The following GRID2 variants were observed in gnomAD, a reference collection of about 807,000 sequenced individuals.
GRID2 encodes the protein glutamate receptor ionotropic, delta-2.
In GRID2, 33 loss-of-function variants were observed where a neutral mutation model predicts 114.8. That is an observed-to-expected ratio of 0.29 (90% CI 0.22 to 0.38). The LOEUF is 0.38. Ranked by LOEUF, GRID2 falls within the 10% of genes least tolerant of loss-of-function variation. The pLI is 1.00. For synonymous variants in GRID2, 505 were observed against 449.9 expected (o/e 1.12, Z -1.55); for missense variants, 1,184 against 1,257.7 (o/e 0.94, Z 0.89).
intron 2 of GRID2, among the ~76,000 whole-genome samples, chr4:92,832,862 G>A (rs940168919): frequency 1.3e-5 from 2 of 152,268 alleles, no homozygotes; most frequent in East Asian, 1.9e-4. Flanking sequence ...ATGCATCCAA[G>A]TGGATATAGT....
At position 93,626,435 on chromosome 4, in the gene GRID2, G is replaced by C. The variant is rs2149690485; in HGVS notation, c.2360G>C (p.Arg787Thr). ...CCTTACCGAGATGTTTTTTCACAAA[G>C]GTAAGATTTGTGTATGACCAAATAA... ...GSPYRDVFSQ[R>T]ILELQQNGDM... is the part of the protein sequence containing the mutation. Residue 787 changes from arginine to threonine, a missense_variant and splice_region_variant, in exon 14 of 16, where the codon AGG (arginine) becomes ACG (threonine). Transcript: ENST00000282020. The C allele has an allele frequency of 6.3e-7, 1 of 1,594,950 alleles. No homozygotes were observed. Among genetic ancestry groups the C allele is most frequent in the Non-Finnish European group, 8.6e-7 (1 of 1,166,970 alleles).
At chr4:92,318,040 C>A (rs1726090809) in intron 1 of GRID2, among the ~76,000 whole-genome samples, 1 of 152,032 alleles carries the variant, frequency 6.6e-6, no homozygotes, top group African/African-American at 2.4e-5. Context: ...TCTTGAGCAT[C>A]TACATTGTAT....
chr4:92,440,916 G>C (rs796103574), intron 1 of GRID2, among the ~76,000 whole-genome samples: 13 of 152,044 alleles, frequency 8.6e-5, no homozygotes, highest in Non-Finnish European at 1.5e-5. Flanking sequence ...TGAAGGAGCC[G>C]GGAAGCAGAA....
At chr4:93,300,621 A>C (rs547757173) in intron 8 of GRID2, among the ~76,000 whole-genome samples, 1 of 152,268 alleles carries the variant, frequency 6.6e-6, no homozygotes. Context: ...AACTCCAAAA[A>C]GTCTTGGGGT....
At chr4:92,355,144 A>G (rs1304237050) in intron 1 of GRID2, among the ~76,000 whole-genome samples, 1 of 151,854 alleles carries the variant, frequency 6.6e-6, no homozygotes, top group Non-Finnish European at 1.5e-5. Flanking sequence ...CATGCTTATC[A>G]TCTGTATTTT....
At chr4:93,681,895 A>G (rs1190011144) in intron 14 of GRID2, among the ~76,000 whole-genome samples, 1 of 151,774 alleles carries the variant, frequency 6.6e-6, no homozygotes, top group Admixed American at 6.6e-5. Context: ...CTAAAACACC[A>G]AAAGCAATGG....
intron 2 of GRID2, among the ~76,000 whole-genome samples, chr4:92,859,140 A>T (rs538161668): frequency 3.9e-5 from 6 of 152,140 alleles, no homozygotes; most frequent in African/African-American, 1.2e-4. Flanking sequence ...TTCTTATTTT[A>T]AAAAATTGCC....
chr4:92,521,882 T>C (rs866795203), intron 1 of GRID2, among the ~76,000 whole-genome samples: 2 of 151,982 alleles, frequency 1.3e-5, no homozygotes, highest in African/African-American at 4.8e-5. Flanking sequence ...AAATATATTT[T>C]TGAGTTAATT....
At chr4:93,314,052 C>A (rs2149193806) in intron 8 of GRID2, among the ~76,000 whole-genome samples, 2 of 152,210 alleles carry the variant, frequency 1.3e-5, no homozygotes, top group Middle Eastern at 6.8e-3. Flanking sequence ...CGCCTGTAAT[C>A]CCAGCAATTT....
chr4:92,647,101 G>A (rs1011158612), intron 2 of GRID2, among the ~76,000 whole-genome samples: 2 of 152,194 alleles, frequency 1.3e-5, no homozygotes, highest in African/African-American at 4.8e-5. Context: ...ATATGTAGAG[G>A]AGGGATTCAG....
At chr4:93,342,408 G>A (rs745668371) in intron 8 of GRID2, among the ~76,000 whole-genome samples, 21 of 151,838 alleles carry the variant, frequency 1.4e-4, no homozygotes, top group Non-Finnish European at 2.4e-4. Context: ...TCAGAACTTC[G>A]CTTAAAATCC....
intron 13 of GRID2, among the ~76,000 whole-genome samples, chr4:93,625,251 T>C (rs962310463): frequency 2.0e-5 from 3 of 152,178 alleles, no homozygotes; most frequent in Non-Finnish European, 4.4e-5. Flanking sequence ...CCCAAAGGCA[T>C]AGCTTTCAGG....
chr4:93,655,374 A>G (rs921685766), intron 14 of GRID2, among the ~76,000 whole-genome samples: 3 of 152,124 alleles, frequency 2.0e-5, no homozygotes, highest in African/African-American at 7.2e-5. Context: ...TTCACTTCAT[A>G]TGTTTCTCCA....
At chr4:92,749,610 A>C (rs1241094676) in intron 2 of GRID2, among the ~76,000 whole-genome samples, 1 of 152,012 alleles carries the variant, frequency 6.6e-6, no homozygotes, top group Non-Finnish European at 1.5e-5. Context: ...TTTGTTTCCA[A>C]GACAGTAGAT....
intron 1 of GRID2, among the ~76,000 whole-genome samples, chr4:92,323,265 G>C (rs754727120): frequency 2.0e-5 from 3 of 151,990 alleles, no homozygotes; most frequent in African/African-American, 7.2e-5. Flanking sequence ...AGCCTTAACG[G>C]TTAAGGTTTC....
At chr4:92,769,115 G>T (rs373004143) in intron 2 of GRID2, among the ~76,000 whole-genome samples, 4 of 152,168 alleles carry the variant, frequency 2.6e-5, no homozygotes, top group Non-Finnish European at 5.9e-5. Flanking sequence ...AGATACAATG[G>T]GGGGTACAGA....
chr4:93,784,071 CAAAAAAAAAAAAA>C (rs70942993), intron 1 of GRID2, among the ~76,000 whole-genome samples: 4 of 38,988 alleles, frequency 1.0e-4, no homozygotes, highest in South Asian at 1.7e-3. Context: ...GACTCCGTCT[CAAAAAAAAAAAAA>C]AAAAAAAAAA....
chr4:92,448,139 GTATGTATGTAT>G (rs1290440535), intron 1 of GRID2, among the ~76,000 whole-genome samples: 1 of 144,072 alleles, frequency 6.9e-6, no homozygotes, highest in African/African-American at 2.6e-5. Context: ...TTTTATGTAT[GTATGTATGTAT>G]GTATGTATGT....
chr4:92,855,494 G>A (rs575042071), intron 2 of GRID2, among the ~76,000 whole-genome samples: 1 of 151,936 alleles, frequency 6.6e-6, no homozygotes, highest in Non-Finnish European at 1.5e-5. Flanking sequence ...ATTTGATTCT[G>A]CATATGACAT....
Sources: allele counts gnomAD v4.1 joint callset (sites outside exome capture counted in the v4.1 genomes callset), GRCh38; gene constraint gnomAD v4.1.1; transcripts MANE v1.5; gene names NCBI Gene and HGNC (gene_info 2026-07-23, HGNC 2026-07-21).